The following ADGRG3 variants were observed in gnomAD, a reference collection of about 807,000 sequenced individuals.
The protein encoded by ADGRG3 is G protein-coupled receptor 97.
In ADGRG3, 39 loss-of-function variants were observed where a neutral mutation model predicts 54.3. That is an observed-to-expected ratio of 0.72 (90% confidence interval 0.56 to 0.94). The LOEUF (loss-of-function observed/expected upper bound fraction) is 0.94, where lower values mean the gene tolerates loss of function less well. ADGRG3 is among the 40% of genes least tolerant of loss of function. The pLI is 0.00. For missense variants in ADGRG3, 654 were observed against 694.6 expected, an observed-to-expected ratio of 0.94 and a Z score of 0.66; for synonymous variants, 312 against 290.0, an observed-to-expected ratio of 1.08 and a Z score of -0.77.
At chr16:57,668,548 C>T (rs1328607609) in intron 1 of ADGRG3, 143 bp downstream of exon 1, 16 of 717,474 alleles carry the variant, frequency 2.2e-5, no homozygotes, top group South Asian at 3.3e-5. Context: ...CCCCCGTGGC[C>T]GCCTCAGCAC....
rs141856504 is a variant in ADGRG3, at chr16:57,680,527, C to T, written c.791C>T (p.Thr264Met). 8.5e-5 allele frequency: 137 copies of T among 1,613,356 alleles called. No homozygotes were observed. The highest frequency in any genetic ancestry group is 3.3e-4 in the Middle Eastern group (2 of 6,060). The change falls in exon 8 of 12, where the codon ACG (threonine) becomes ATG (methionine). Residue 264 changes from threonine (T) to methionine (M), a missense_variant. Coordinates refer to ENST00000333493, the MANE Select transcript of ADGRG3 (RefSeq NM_170776.5). ...CAGAGACCCACCTTGGACCAGTCCA[C>T]GGTGCATATCCTCACACGCATCTCC... ...LLLRPTLDQS[T>M]VHILTRISQA...
Position 57,676,261 on chromosome 16 carries a change from C to A in ADGRG3, c.268C>A (p.Pro90Thr), listed in dbSNP as rs200028157. 8 of 1,613,772 alleles carry A rather than the reference C, an allele frequency of 5.0e-6. No homozygotes were observed. In the South Asian group the frequency reaches 6.6e-5, roughly 13 times the overall value. The change falls in exon 3 of 12, where the codon CCT becomes ACT. Residue 90 changes from proline to threonine, a missense_variant. Coordinates refer to ENST00000333493, the MANE Select transcript of ADGRG3 (RefSeq NM_170776.5). ...KEGLTQKVNT[P>T]FLKALVQNLS... ...AGGTTTGACGCAGAAGGTGAACACGCCTTTCCTGAAGGCTTTGGTCCAGAA... is the reference window on the plus strand; with the variant it reads ...AGGTTTGACGCAGAAGGTGAACACGACTTTCCTGAAGGCTTTGGTCCAGAA...
intron 2 of ADGRG3, among the ~76,000 whole-genome samples, chr16:57,674,239 C>A (rs8047307): frequency 1.3e-5 from 2 of 151,578 alleles, no homozygotes; most frequent in Admixed American, 1.3e-4. Flanking sequence ...ATTGGCATTG[C>A]GTGCTTGGAA....
intron 1 of ADGRG3, among the ~76,000 whole-genome samples, chr16:57,673,007 C>A (rs1208364562): frequency 6.6e-6 from 1 of 152,204 alleles, no homozygotes; most frequent in Non-Finnish European, 1.5e-5. Context: ...CAGGCAGACT[C>A]CCTGGAGGAA....
chr16:57,674,437 C>T (rs1222616381), intron 2 of ADGRG3, among the ~76,000 whole-genome samples: 1 of 152,150 alleles, frequency 6.6e-6, no homozygotes, highest in Non-Finnish European at 1.5e-5. Flanking sequence ...TCTGGGATGC[C>T]TAGAAAAGCA....
chr16:57,682,128 C>G (rs893171454), intron 8 of ADGRG3, among the ~76,000 whole-genome samples: 1 of 152,210 alleles, frequency 6.6e-6, no homozygotes, highest in African/African-American at 2.4e-5. Context: ...TTAGGGAAAC[C>G]TGGGGCTGTG....
chr16:57,680,459 G>T (rs2048347510), intron 7 of ADGRG3, 46 bp from the exon 8 acceptor site: 1 of 1,578,164 alleles, frequency 6.3e-7, no homozygotes, highest in African/African-American at 1.3e-5. Flanking sequence ...GGGTATATGG[G>T]CCTGGCCTCC....
At chr16:57,670,102 G>T (rs1253704500) in intron 1 of ADGRG3, among the ~76,000 whole-genome samples, 1 of 152,152 alleles carries the variant, frequency 6.6e-6, no homozygotes, top group Non-Finnish European at 1.5e-5. Flanking sequence ...CGGGGTGGGG[G>T]CAAATGCCCA....
chr16:57,666,477 G>A (rs759025841), upstream of ADGRG3, among the ~76,000 whole-genome samples: 3 of 152,340 alleles, frequency 2.0e-5, no homozygotes, highest in South Asian at 2.1e-4. Context: ...GTGGCCAGGC[G>A]TGCATCTGGA....
In ADGRG3 at chr16:57,685,828, G is replaced by C. The variant is rs760823193; in HGVS notation, c.1442G>C (p.Gly481Ala). ...KNRKKVLTLLGLSSLVGVTWG... is the reference protein window; with the variant it reads ...KNRKKVLTLLALSSLVGVTWG... ...CGGAAGAAGGTGCTCACCCTGCTGGGCCTCTCGAGCCTGGTGGGTGTGACA... is the reference window on the plus strand; with the variant it reads ...CGGAAGAAGGTGCTCACCCTGCTGGCCCTCTCGAGCCTGGTGGGTGTGACA... The change falls in exon 11 of 12, where the codon GGC becomes GCC. Residue 481 changes from glycine to alanine, a missense_variant. Coordinates refer to ENST00000333493, the MANE Select transcript of ADGRG3 (RefSeq NM_170776.5). The C allele has an allele frequency of 3.1e-6, 5 of 1,614,168 alleles. No individual in the cohort carries two copies. The East Asian group carries it at 1.1e-4, about 36-fold the overall frequency.
At chr16:57,675,881 G>A (rs1309524865) in intron 2 of ADGRG3, among the ~76,000 whole-genome samples, 1 of 152,224 alleles carries the variant, frequency 6.6e-6, no homozygotes, top group Non-Finnish European at 1.5e-5. Context: ...ACTAGGTAGT[G>A]TGACGGTTGC....
In ADGRG3 at chr16:57,688,494, T is replaced by A. The variant is rs1282042442; in HGVS notation, c.*33T>A. ...CGGCCCTGCAATATGGACTCAGCTC[T>A]GGCTCTCTGTGTGACCTTGGGCAGC... is the stretch of plus-strand genomic sequence containing the variant. On this transcript the variant is annotated 3_prime_UTR_variant, in exon 12 of 12. Coordinates refer to ENST00000333493, the MANE Select transcript of ADGRG3 (RefSeq NM_170776.5). The A allele has an allele frequency of 8.0e-7, 1 of 1,243,242 alleles. No individual in the cohort carries two copies. Among genetic ancestry groups the A allele is most frequent in the South Asian group, 1.2e-5 (1 of 83,680 alleles). The allele number at this position is 1,243,242 out of a possible 1,614,324, so 77.0% of individuals were successfully genotyped here.
intron 9 of ADGRG3, 72 bp downstream of exon 9, chr16:57,684,284 G>T (rs2048430597): frequency 3.8e-6 from 6 of 1,576,638 alleles, no homozygotes; most frequent in Admixed American, 1.7e-5. Context: ...CTTGGGGAGA[G>T]AGAGGAGGGG....
rs780026325 is a variant in ADGRG3 at position 57,688,438 on chromosome 16, G to T, written c.1627G>T (p.Ala543Ser). Residue 543 changes from alanine to serine, a missense_variant, in exon 12 of 12, where the codon GCC (alanine) becomes TCC (serine). Transcript: ENST00000333493. ...CTCCTCTACTGCAAGATTGGACCAG[G>T]CCCACTCCGCATCTCAAGAATAGGA... is the stretch of plus-strand genomic sequence containing the variant. ...VSSSTARLDQ[A>S]HSASQE The T allele has an allele frequency of 1.2e-6, 2 of 1,607,732 alleles. No individual in the cohort carries two copies. Among genetic ancestry groups the T allele is most frequent in the Non-Finnish European group, 1.7e-6 (2 of 1,174,372 alleles).
At chr16:57,685,351 A>G (rs764158506) in intron 10 of ADGRG3, among the ~76,000 whole-genome samples, 1 of 152,238 alleles carries the variant, frequency 6.6e-6, no homozygotes, top group Non-Finnish European at 1.5e-5. Flanking sequence ...TAGGAGAAGC[A>G]GAAATCTAGG....
At chr16:57,683,895 G>A (rs763647404) in intron 8 of ADGRG3, 37 bp from the exon 9 acceptor site, 1 of 1,513,188 alleles carries the variant, frequency 6.6e-7, no homozygotes, top group Non-Finnish European at 8.8e-7. Flanking sequence ...CCCCATGGGA[G>A]CTGTGGCCCC....
intron 8 of ADGRG3, among the ~76,000 whole-genome samples, chr16:57,681,973 G>C (rs1370271014): frequency 6.6e-6 from 1 of 152,180 alleles, no homozygotes; most frequent in Non-Finnish European, 1.5e-5. Flanking sequence ...GGTCTAACTT[G>C]GACCATGTGC....
intron 2 of ADGRG3, 145 bp from the exon 3 acceptor site, chr16:57,676,054 GC>G: frequency 1.6e-6 from 1 of 632,606 alleles, no homozygotes; most frequent in Non-Finnish European, 2.7e-6. Flanking sequence ...AGCCTGGACG[GC>G]CCCCAAGCCA....
In ADGRG3 at chr16:57,679,308, C is replaced by T. The variant is rs1485196565; in HGVS notation, c.624C>T (p.Pro208=). The T allele has an allele frequency of 6.2e-7, 1 of 1,613,734 alleles. No homozygotes were observed. Among genetic ancestry groups the T allele is most frequent in the Non-Finnish European group, 8.5e-7 (1 of 1,179,878 alleles). ...LEIVFSHQRP[P]PNMTLTCVFW... ...TCGTCTTCTCTCACCAGCGACCGCC[C>T]CCTGTGAGTCCCCTGCTCAGGCCTG... The change falls in exon 5 of 12, where the codon CCC becomes CCT. Residue 208 remains proline (P), a synonymous_variant. Transcript: ENST00000333493.
Sources: gnomAD v4.1 joint callset for allele counts (sites outside exome capture counted in the v4.1 genomes callset) on GRCh38, gnomAD v4.1.1 for gene constraint, MANE v1.5 for transcripts, NCBI Gene and HGNC (gene_info 2026-07-23, HGNC 2026-07-21) for gene names.